HPSE2: variants seen among roughly 807,000 people sequenced by gnomAD.
HPSE2 encodes the protein heparanase 2 (inactive), also known as inactive heparanase-2.
A neutral mutation model predicts 60.5 loss-of-function variants in HPSE2; 38 were observed. That is an observed-to-expected ratio of 0.63 (90% CI 0.48 to 0.82). The LOEUF is 0.82. Among genes scored for constraint, HPSE2 ranks in the 40% least tolerant of loss-of-function variants. HPSE2 has a pLI of 0.00. For missense variants in HPSE2, 713 were observed against 740.4 expected, an observed-to-expected ratio of 0.96 and a Z score of 0.43; for synonymous variants, 295 against 293.2, an observed-to-expected ratio of 1.01 and a Z score of -0.06.
chr10:98,639,429 C>A (rs935125642), intron 7 of HPSE2, among the ~76,000 whole-genome samples: 2 of 152,150 alleles, frequency 1.3e-5, no homozygotes, highest in African/African-American at 2.4e-5. Context: ...TTTGCAATTG[C>A]CAAAAGGTAA....
chr10:99,132,213 G>GAA (rs1845451597), intron 3 of HPSE2, among the ~76,000 whole-genome samples: 1 of 21,470 alleles, frequency 4.7e-5, no homozygotes, highest in African/African-American at 7.1e-5. Context: ...GAGAGAGAGA[G>GAA]AGAGAGAGAG....
chr10:98,501,361 G>A (rs1942023541), intron 9 of HPSE2, among the ~76,000 whole-genome samples: 1 of 152,036 alleles, frequency 6.6e-6, no homozygotes, highest in Non-Finnish European at 1.5e-5. Flanking sequence ...ATGATCAAGG[G>A]GATTTCATAC....
chr10:98,927,037 G>A (rs540362759), intron 3 of HPSE2, among the ~76,000 whole-genome samples: 1 of 152,192 alleles, frequency 6.6e-6, no homozygotes, highest in African/African-American at 2.4e-5. Context: ...CAAGTATGTG[G>A]CCAATTTTGG....
chr10:99,077,063 G>A (rs1366492578), intron 3 of HPSE2, among the ~76,000 whole-genome samples: 2 of 152,160 alleles, frequency 1.3e-5, no homozygotes, highest in Admixed American at 6.5e-5. Flanking sequence ...GGTTTCTGCT[G>A]AGAAATACAC....
At chr10:98,647,262 C>A (rs1162065715) in intron 6 of HPSE2, among the ~76,000 whole-genome samples, 2 of 152,202 alleles carry the variant, frequency 1.3e-5, no homozygotes, top group East Asian at 3.9e-4. Context: ...CTACAATTAG[C>A]CACTTATGCC....
chr10:99,059,801 C>A (rs1958194057), intron 3 of HPSE2, among the ~76,000 whole-genome samples: 1 of 151,916 alleles, frequency 6.6e-6, no homozygotes. Flanking sequence ...ATAAAGATAC[C>A]AGGACATAAG....
intron 3 of HPSE2, among the ~76,000 whole-genome samples, chr10:98,914,797 C>G (rs1436613475): frequency 1.3e-5 from 2 of 151,338 alleles, no homozygotes; most frequent in South Asian, 2.1e-4. Flanking sequence ...GATACCTGTC[C>G]TCTAATACTA....
At chr10:99,135,853 T>C (rs1367160089) in intron 3 of HPSE2, among the ~76,000 whole-genome samples, 1 of 151,920 alleles carries the variant, frequency 6.6e-6, no homozygotes, top group Non-Finnish European at 1.5e-5. Flanking sequence ...AGCAAACAAA[T>C]TCAAAATTTA....
intron 3 of HPSE2, among the ~76,000 whole-genome samples, chr10:99,121,390 A>G (rs1269343295): frequency 1.3e-5 from 2 of 152,208 alleles, no homozygotes; most frequent in Non-Finnish European, 1.5e-5. Flanking sequence ...ACAAACCCCC[A>G]TGACACAAAT....
intron 2 of HPSE2, among the ~76,000 whole-genome samples, chr10:99,174,766 G>A (rs1847456150): frequency 6.6e-6 from 1 of 152,180 alleles, no homozygotes; most frequent in South Asian, 2.1e-4. Context: ...TTAAAAAGAA[G>A]CCATTAGGGT....
At chr10:99,315,858 A>C in the HPSE2 span, among the ~76,000 whole-genome samples, 112 of 152,170 alleles carry the variant, frequency 7.4e-4, no homozygotes, top group African/African-American at 2.6e-3. Context: ...ATTAACAGGG[A>C]GTCCATATTT....
At chr10:98,970,365 T>C (rs1202575699) in intron 3 of HPSE2, among the ~76,000 whole-genome samples, 1 of 152,148 alleles carries the variant, frequency 6.6e-6, no homozygotes, top group East Asian at 1.9e-4. Context: ...TCTGTCCCCA[T>C]GATCCAAACA....
intron 3 of HPSE2, among the ~76,000 whole-genome samples, chr10:99,106,349 GA>G (rs1224553166): frequency 6.6e-6 from 1 of 152,008 alleles, no homozygotes; most frequent in African/African-American, 2.4e-5. Flanking sequence ...CCCTTTATCA[GA>G]ATGAAGTTTC....
In HPSE2 at chr10:98,649,757, A is replaced by G. The variant is rs542251262; in HGVS notation, c.1005-7817T>C. 9.8e-5 allele frequency among the ~76,000 whole-genome samples: 15 copies of G among 152,350 alleles called. No individual in the cohort carries two copies. In the South Asian group the frequency reaches 2.9e-3, roughly 29 times the overall value. On this transcript the variant is annotated intron_variant, in intron 6 of 11. Transcript: ENST00000370552. The stretch of plus-strand genomic sequence containing the variant: ...TTTTCAAAGTGTTTTAGTAATTGTT[A>G]TATAAAGAAAAAGGGGCTCCATGGT...
chr10:98,996,896 A>G (rs1011082836), intron 3 of HPSE2, among the ~76,000 whole-genome samples: 1 of 152,166 alleles, frequency 6.6e-6, no homozygotes, highest in African/African-American at 2.4e-5. Flanking sequence ...AAGGAGCATA[A>G]GGAAACTCTC....
intron 3 of HPSE2, among the ~76,000 whole-genome samples, chr10:99,102,636 G>A (rs567622980): frequency 2.0e-5 from 3 of 152,190 alleles, no homozygotes; most frequent in Admixed American, 6.5e-5. Flanking sequence ...ATTTTATGAC[G>A]CCAGCATCAT....
At position 98,614,966 on chromosome 10, in the gene HPSE2, G is replaced by A. The variant is rs371339829; in HGVS notation, c.1258C>T (p.Arg420Trp). 2.7e-5 allele frequency: 43 copies of A among 1,613,866 alleles called. No homozygotes were observed. Among genetic ancestry groups the A allele is most frequent in the South Asian group, 1.6e-4 (15 of 91,076 alleles). The change falls in exon 9 of 12, where the codon CGG becomes TGG. Residue 420 changes from arginine to tryptophan, a missense_variant. Coordinates refer to ENST00000370552, the MANE Select transcript of HPSE2 (RefSeq NM_021828.5). ...LANQGIDVVI[R>W]HSFFDHGYNH... ...TATCCATGGTCAAAAAATGAGTGCC[G>A]TATCACGACATCAATGCCCTGATTG... is the stretch of plus-strand genomic sequence containing the variant.
intron 3 of HPSE2, among the ~76,000 whole-genome samples, chr10:98,915,224 T>G (rs1234225409): frequency 6.6e-6 from 1 of 151,598 alleles, no homozygotes; most frequent in African/African-American, 2.4e-5. Context: ...CTCTGCTCAC[T>G]GCAAGCTCCA....
intron 2 of HPSE2, among the ~76,000 whole-genome samples, chr10:99,222,117 TA>T (rs2133932120): frequency 6.6e-6 from 1 of 152,170 alleles, no homozygotes; most frequent in Non-Finnish European, 1.5e-5. Flanking sequence ...CCAGCTAATA[TA>T]AAGGCCTTTC....
Sources: allele counts gnomAD v4.1 joint callset (sites outside exome capture counted in the v4.1 genomes callset), GRCh38; gene constraint gnomAD v4.1.1; transcripts MANE v1.5; gene names NCBI Gene and HGNC (gene_info 2026-07-23, HGNC 2026-07-21).